Variants in ANKRD36B observed in about 807,000 individuals in gnomAD.
ANKRD36B encodes the protein ankyrin repeat domain-containing protein 36B.
In ANKRD36B, 37 loss-of-function variants were observed where a neutral mutation model predicts 135.7. The observed-to-expected ratio is 0.27, with a 90% CI of 0.21 to 0.36. The LOEUF is 0.36. Ranked by LOEUF, ANKRD36B falls within the 10% of genes least tolerant of loss-of-function variation. ANKRD36B has a pLI of 1.00. For synonymous variants in ANKRD36B, 179 were observed against 348.1 expected, an observed-to-expected ratio of 0.51 and a Z score of 5.41; for missense variants, 549 against 1,037.1, an observed-to-expected ratio of 0.53 and a Z score of 6.46.
chr2:97,555,336 G>A (rs1459306406), intron 12 of ANKRD36B, 82 bp from the exon 13 acceptor site: 51 of 1,580,892 alleles, frequency 3.2e-5, no homozygotes, highest in Non-Finnish European at 4.3e-5. Context: ...TTAGCATCAA[G>A]CTGTATCTTC....
chr2:97,585,887 A>T (rs2082944677), intron 1 of ANKRD36B, among the ~76,000 whole-genome samples: 1 of 152,240 alleles, frequency 6.6e-6, no homozygotes, highest in African/African-American at 2.4e-5. Flanking sequence ...ATTGTATTTC[A>T]GTCATTCTCA....
intron 5 of ANKRD36B, among the ~76,000 whole-genome samples, 179 bp from the exon 6 acceptor site, chr2:97,576,625 G>A (rs1220623664): frequency 3.3e-5 from 5 of 150,616 alleles, no homozygotes; most frequent in African/African-American, 1.2e-4. Flanking sequence ...AAAAACAGGT[G>A]AAGTACTCAT....
intron 3 of ANKRD36B, among the ~76,000 whole-genome samples, chr2:97,582,729 G>A (rs2082708484): frequency 6.6e-6 from 1 of 151,966 alleles, no homozygotes; most frequent in South Asian, 2.1e-4. Context: ...TGTAAAGCAA[G>A]TATTTTCATG....
rs1378773600 is a variant in ANKRD36B at position 97,528,935 on chromosome 2, C to G, written c.2265+3376G>C. 3.1e-5 allele frequency among the ~76,000 whole-genome samples: 3 copies of G among 95,994 alleles called. 1 individual carries two copies. The highest frequency in any genetic ancestry group is 9.4e-5 in the African/African-American group (3 of 31,998). 63.0% of individuals were successfully genotyped at this position (95,994 alleles called of 152,430 possible). A position where few individuals can be genotyped will look rare whatever the true frequency, so the allele number is the denominator to read the frequency against. ...CAATAGCTTACCAACCAAAAAGAGT[C>G]CAGGACCAGATGGATTCACAGTCGC... is the stretch of plus-strand genomic sequence containing the variant. On this transcript the variant is annotated intron_variant, in intron 35 of 43. Transcript: ENST00000359901.
chr2:97,549,971 A>G (rs1307392046), intron 18 of ANKRD36B, among the ~76,000 whole-genome samples: 2 of 151,968 alleles, frequency 1.3e-5, no homozygotes. Flanking sequence ...CAGGTGCTAC[A>G]TGATCCCACA....
intron 6 of ANKRD36B, among the ~76,000 whole-genome samples, chr2:97,570,113 C>A (rs1042080824): frequency 2.0e-5 from 3 of 152,028 alleles, no homozygotes; most frequent in African/African-American, 7.2e-5. Context: ...CCTAATATTG[C>A]CATAGTAACT....
At chr2:97,578,588 C>T (rs946531067) in intron 5 of ANKRD36B, among the ~76,000 whole-genome samples, 6 of 151,918 alleles carry the variant, frequency 3.9e-5, no homozygotes, top group Admixed American at 3.9e-4. Flanking sequence ...TTAGAAAAAT[C>T]AAAGATGTGA....
intron 12 of ANKRD36B, among the ~76,000 whole-genome samples, chr2:97,555,518 A>G: frequency 6.6e-6 from 1 of 151,854 alleles, no homozygotes; most frequent in East Asian, 2.0e-4. Context: ...TATCAATGTG[A>G]ATATGCCGAA....
chr2:97,556,225 T>C (rs903479082), intron 12 of ANKRD36B, among the ~76,000 whole-genome samples: 6 of 151,896 alleles, frequency 4.0e-5, no homozygotes, highest in African/African-American at 1.4e-4. Context: ...AAATTTTAAC[T>C]CATTTGAATA....
intron 30 of ANKRD36B, among the ~76,000 whole-genome samples, chr2:97,539,234 A>T (rs1406567245): frequency 1.0e-5 from 1 of 97,586 alleles, no homozygotes; most frequent in African/African-American, 3.1e-5. Context: ...TTGAAGTATC[A>T]TGTTACTCTC....
At position 97,493,954 on chromosome 2, in the gene ANKRD36B, C is replaced by T. The variant is rs1035819892; in HGVS notation, c.*7-1099G>A. ...GCAGTCACTTCTTGAAAGTTGTATT[C>T]TATGTACCTCAACAGCATGGCCTTC... On this transcript the variant is annotated intron_variant, in intron 43 of 43. Transcript: ENST00000359901. Among the ~76,000 whole-genome samples the T allele has an allele frequency of 2.9e-5, 3 of 103,194 alleles. 1 individual carries two copies. The highest frequency in any genetic ancestry group is 8.1e-5 in the African/African-American group (3 of 36,936). The allele number at this position is 103,194 out of a possible 152,430, so 67.7% of individuals were successfully genotyped here.
intron 6 of ANKRD36B, among the ~76,000 whole-genome samples, chr2:97,572,899 T>C (rs1189791322): frequency 6.6e-6 from 1 of 151,660 alleles, no homozygotes; most frequent in African/African-American, 2.4e-5. Flanking sequence ...TTCTCCAAAC[T>C]GCTCGTCTGT....
chr2:97,577,971 C>T (rs906438471), intron 5 of ANKRD36B, among the ~76,000 whole-genome samples: 1 of 151,696 alleles, frequency 6.6e-6, no homozygotes, highest in Non-Finnish European at 1.5e-5. Context: ...TCTCTTTCTA[C>T]AACATTATTT....
At chr2:97,559,159 T>TG (rs1308807697) in intron 8 of ANKRD36B, among the ~76,000 whole-genome samples, 165 bp from the exon 9 acceptor site, 1 of 151,634 alleles carries the variant, frequency 6.6e-6, no homozygotes, top group Non-Finnish European at 1.5e-5. Flanking sequence ...AGAAATACAC[T>TG]GAAAAAAAAG....
intron 14 of ANKRD36B, among the ~76,000 whole-genome samples, 165 bp downstream of exon 14, chr2:97,554,895 C>T (rs77145929): frequency 1.3e-5 from 2 of 151,882 alleles, no homozygotes; most frequent in East Asian, 3.9e-4. Flanking sequence ...ATGTCCAAGA[C>T]CAGCAGCATC....
At chr2:97,533,412 GT>G (rs2078702275) in intron 34 of ANKRD36B, among the ~76,000 whole-genome samples, 1 of 96,820 alleles carries the variant, frequency 1.0e-5, no homozygotes, top group South Asian at 2.3e-4. Context: ...AAGACAGTAA[GT>G]GTCAAAGCTG....
At chr2:97,560,319 C>T (rs1460282339) in intron 8 of ANKRD36B, among the ~76,000 whole-genome samples, 1 of 151,796 alleles carries the variant, frequency 6.6e-6, no homozygotes, top group African/African-American at 2.4e-5. Flanking sequence ...GATATGATGC[C>T]TATAATATCT....
At chr2:97,553,672 C>G (rs1216931697) in intron 14 of ANKRD36B, among the ~76,000 whole-genome samples, 1 of 151,906 alleles carries the variant, frequency 6.6e-6, no homozygotes, top group Non-Finnish European at 1.5e-5. Flanking sequence ...CAAATGCGAT[C>G]AAAAATCAGA....
intron 3 of ANKRD36B, among the ~76,000 whole-genome samples, chr2:97,583,196 T>C (rs2104326409): frequency 8.2e-6 from 1 of 122,052 alleles, no homozygotes; most frequent in South Asian, 3.0e-4. Flanking sequence ...AAAAAAGGTT[T>C]AGAATTTTTT....
Sources: gnomAD v4.1 joint callset for allele counts (sites outside exome capture counted in the v4.1 genomes callset) on GRCh38, gnomAD v4.1.1 for gene constraint, MANE v1.5 for transcripts, NCBI Gene and HGNC (gene_info 2026-07-23, HGNC 2026-07-21) for gene names.